The following FAT3 variants were observed in gnomAD, a reference collection of about 807,000 sequenced individuals.
The protein encoded by FAT3 is FAT atypical cadherin 3, also known as protocadherin Fat 3.
In FAT3, 95 loss-of-function variants were observed where a neutral mutation model predicts 310.2. The observed-to-expected ratio is 0.31, with a 90% CI of 0.26 to 0.36. FAT3 has a LOEUF of 0.36. Ranked by LOEUF, FAT3 falls within the 10% of genes least tolerant of loss-of-function variation. The probability of loss-of-function intolerance (pLI) is 1.00; values close to 1 mark genes in which losing one functional copy is unlikely to be tolerated. For missense variants in FAT3, 5,408 were observed against 5,715.6 expected (o/e 0.95, Z 1.74); for synonymous variants, 2,314 against 2,192.9 (o/e 1.06, Z -1.54).
intron 3 of FAT3, among the ~76,000 whole-genome samples, chr11:92,540,391 C>T (rs1249763795): frequency 1.3e-5 from 2 of 152,066 alleles, no homozygotes; most frequent in Non-Finnish European, 2.9e-5. Context: ...GGTGAAGTGG[C>T]CATCTCTGTA....
chr11:92,468,957 TTTCTTG>T (rs540098797), intron 2 of FAT3, among the ~76,000 whole-genome samples: 63 of 152,180 alleles, frequency 4.1e-4, no homozygotes, highest in Non-Finnish European at 7.6e-4. Flanking sequence ...ATGATTTCTT[TTTCTTG>T]GATGTGAAGC....
At chr11:92,368,714 C>G (rs1376881125) in intron 2 of FAT3, among the ~76,000 whole-genome samples, 1 of 151,786 alleles carries the variant, frequency 6.6e-6, no homozygotes, top group African/African-American at 2.4e-5. Flanking sequence ...ATGGTGGTAC[C>G]AGTTTTTGTC....
intron 19 of FAT3, among the ~76,000 whole-genome samples, chr11:92,853,806 C>A (rs1383273204): frequency 6.6e-6 from 1 of 152,132 alleles, no homozygotes; most frequent in Admixed American, 6.5e-5. Flanking sequence ...GAAGAGAGGA[C>A]ATGCATGCTG....
At chr11:92,551,356 G>T (rs575891389) in intron 3 of FAT3, among the ~76,000 whole-genome samples, 89 of 150,470 alleles carry the variant, frequency 5.9e-4, no homozygotes, top group African/African-American at 2.1e-3. Context: ...ATTCTCCTCT[G>T]CCTTCCATCT....
intron 2 of FAT3, among the ~76,000 whole-genome samples, chr11:92,464,473 A>G (rs1951711761): frequency 6.6e-6 from 1 of 152,172 alleles, no homozygotes; most frequent in African/African-American, 2.4e-5. Context: ...GCTTCCCCAG[A>G]CCCACATTCT....
intron 3 of FAT3, among the ~76,000 whole-genome samples, chr11:92,577,446 A>G (rs1383165867): frequency 1.3e-5 from 2 of 152,096 alleles, no homozygotes; most frequent in Non-Finnish European, 2.9e-5. Context: ...ATTGACAAAT[A>G]ATAATTGTAT....
In FAT3 at chr11:92,883,516, T is replaced by G. The variant is rs1285167236; in HGVS notation, c.12937+123T>G. 6.4e-6 allele frequency: 8 copies of G among 1,258,622 alleles called. No individual in the cohort carries two copies. Among genetic ancestry groups the G allele is most frequent in the Non-Finnish European group, 7.6e-6 (7 of 925,454 alleles). 78.0% of individuals were successfully genotyped at this position (1,258,622 alleles called of 1,614,324 possible). On this transcript the variant is annotated intron_variant, in intron 24 of 27. Transcript: ENST00000525166. The surrounding 1 kb of genome is among the most constrained non-coding windows in gnomAD (Gnocchi z 4.2). ...GCAGAGCATTCGCTATGACATGTGCTGATGTCGAATGTGCACACCAGCTCT... is the reference window on the plus strand; with the variant it reads ...GCAGAGCATTCGCTATGACATGTGCGGATGTCGAATGTGCACACCAGCTCT...
At chr11:92,568,666 A>G (rs1390615506) in intron 3 of FAT3, among the ~76,000 whole-genome samples, 1 of 152,156 alleles carries the variant, frequency 6.6e-6, no homozygotes, top group Admixed American at 6.6e-5. Flanking sequence ...GGCATGCAAG[A>G]TATTCACTCT....
chr11:92,490,457 A>C (rs897876796), intron 2 of FAT3, among the ~76,000 whole-genome samples: 1 of 152,138 alleles, frequency 6.6e-6, no homozygotes, highest in Non-Finnish European at 1.5e-5. Context: ...CTCTCCTTTC[A>C]GATAACTTCC....
chr11:92,850,630 G>A lies in FAT3; in HGVS notation c.11365+5898G>A, dbSNP rs573620042. ...AGGACATGGCATGTGGGTAAAGCAC[G>A]TGAATTCAGGGCATGGGATGTTTAC... is the stretch of plus-strand genomic sequence containing the variant. On this transcript the variant is annotated intron_variant, in intron 19 of 27. Coordinates refer to ENST00000525166, the MANE Select transcript of FAT3 (RefSeq NM_001367949.2). Among the ~76,000 whole-genome samples, 5 of 152,288 alleles carry A rather than the reference G, an allele frequency of 3.3e-5. No homozygotes were observed. The South Asian group carries it at 6.2e-4, about 19-fold the overall frequency.
At chr11:92,709,202 T>A (rs1565530427) in intron 4 of FAT3, among the ~76,000 whole-genome samples, 1 of 152,208 alleles carries the variant, frequency 6.6e-6, no homozygotes, top group Non-Finnish European at 1.5e-5. Flanking sequence ...GGTCTTAAAT[T>A]GTGTTTATTT....
chr11:92,849,870 G>A lies in FAT3; in HGVS notation c.11365+5138G>A, dbSNP rs114279868. 6.6e-3 allele frequency among the ~76,000 whole-genome samples: 1,005 copies of A among 152,280 alleles called. 11 individuals are homozygous for A. The highest frequency in any genetic ancestry group is 0.023 in the African/African-American group (965 of 41,560). The stretch of plus-strand genomic sequence containing the variant: ...TGTGATCCCCATTCCCATGGAGCAT[G>A]AAACAGCATCATGCATTGGGCAAAT... On this transcript the variant is annotated intron_variant, in intron 19 of 27. Coordinates refer to ENST00000525166, the MANE Select transcript of FAT3 (RefSeq NM_001367949.2).
intron 2 of FAT3, among the ~76,000 whole-genome samples, chr11:92,409,173 T>TTAGCACAGATGTTAA (rs1440295510): frequency 1.3e-5 from 2 of 152,164 alleles, no homozygotes; most frequent in Non-Finnish European, 2.9e-5. Context: ...ATTCATGATT[T>TTAGCACAGATGTTAA]TAGCACAGAT....
intron 25 of FAT3, among the ~76,000 whole-genome samples, chr11:92,888,001 C>T (rs1737335011): frequency 6.6e-6 from 1 of 152,060 alleles, no homozygotes; most frequent in South Asian, 2.1e-4. Context: ...TCTATAAATC[C>T]TTGCTGAATT....
chr11:92,452,334 A>G (rs2135070756), intron 2 of FAT3, among the ~76,000 whole-genome samples: 1 of 152,336 alleles, frequency 6.6e-6, no homozygotes. Flanking sequence ...AAGAAAGAGC[A>G]TCATTCTTGT....
At chr11:92,482,845 C>T (rs897694761) in intron 2 of FAT3, among the ~76,000 whole-genome samples, 27 of 152,146 alleles carry the variant, frequency 1.8e-4, no homozygotes, top group African/African-American at 6.5e-4. Flanking sequence ...TCTGAGAAAG[C>T]GAGAGGGAAA....
chr11:92,832,777 G>A (rs978117059), intron 14 of FAT3, among the ~76,000 whole-genome samples: 1 of 152,144 alleles, frequency 6.6e-6, no homozygotes, highest in African/African-American at 2.4e-5. Flanking sequence ...GTGTGCAACT[G>A]TCCACACTTG....
chr11:92,512,649 G>C (rs1279971142), intron 2 of FAT3, among the ~76,000 whole-genome samples: 4 of 145,836 alleles, frequency 2.7e-5, no homozygotes, highest in African/African-American at 1.0e-4. Context: ...TATATATCTT[G>C]ATTTCTTGGA....
At chr11:92,569,769 A>G (rs1320762723) in intron 3 of FAT3, among the ~76,000 whole-genome samples, 1 of 152,182 alleles carries the variant, frequency 6.6e-6, no homozygotes. Context: ...TTGCATATTT[A>G]GTAGAGCTAA....
Sources: gnomAD v4.1 joint callset for allele counts (sites outside exome capture counted in the v4.1 genomes callset) on GRCh38, gnomAD v4.1.1 for gene constraint, Gnocchi (gnomAD v3.1) non-coding constraint, MANE v1.5 for transcripts, NCBI Gene and HGNC (gene_info 2026-07-23, HGNC 2026-07-21) for gene names.